The following CCN1 variants were observed in gnomAD, a reference collection of about 807,000 sequenced individuals.
The protein encoded by CCN1 is cellular communication network factor 1.
In CCN1, 12 loss-of-function variants were observed where a neutral mutation model predicts 38.1. The ratio of observed to expected loss-of-function variants is 0.31; its 90% CI spans 0.20 to 0.51. The LOEUF (loss-of-function observed/expected upper bound fraction) is 0.51. CCN1 is among the 20% of genes least tolerant of loss of function. The pLI, the probability that CCN1 is intolerant of heterozygous loss-of-function variation, is 0.97. For synonymous variants in CCN1, 202 were observed against 196.1 expected (o/e 1.03, Z -0.25); for missense variants, 466 against 490.9 (o/e 0.95, Z 0.48).
intron 2 of CCN1, 171 bp from the exon 3 acceptor site, chr1:85,581,757 G>A (rs989848600): frequency 1.0e-5 from 11 of 1,094,108 alleles, no homozygotes; most frequent in African/African-American, 4.7e-5. Flanking sequence ...AAGCGCATAC[G>A]GAAAAGTGAT....
chr1:85,583,070 T>C lies in CCN1; in HGVS notation c.*28T>C. ...GCTACCTGGGTTTCCAGGGCACACCTAGACAAACAAGGGAGAAGAGTGTCA... is the reference window on the plus strand; with the variant it reads ...GCTACCTGGGTTTCCAGGGCACACCCAGACAAACAAGGGAGAAGAGTGTCA... On this transcript the variant is annotated 3_prime_UTR_variant, in exon 5 of 5. Coordinates refer to ENST00000451137, the MANE Select transcript of CCN1 (RefSeq NM_001554.5). 1 of 1,590,598 alleles carries C rather than the reference T, an allele frequency of 6.3e-7. No individual in the cohort carries two copies. The highest frequency in any genetic ancestry group is 1.1e-5 in the South Asian group (1 of 88,604).
intron 3 of CCN1, 32 bp from the exon 4 acceptor site, chr1:85,582,384 T>C: frequency 6.2e-7 from 1 of 1,613,726 alleles, no homozygotes. Flanking sequence ...TCGGTATGCC[T>C]CTGAGAAGTC....
In CCN1 at chr1:85,583,127, T is replaced by C; in HGVS notation, c.*85T>C. 7.1e-7 allele frequency: 1 copy of C among 1,402,828 alleles called. No individual in the cohort carries two copies. The highest frequency in any genetic ancestry group is 9.8e-7 in the Non-Finnish European group (1 of 1,020,672). 86.9% of individuals were successfully genotyped at this position (1,402,828 alleles called of 1,614,324 possible). A position where few individuals can be genotyped will look rare whatever the true frequency, so the allele number is the denominator to read the frequency against. On this transcript the variant is annotated 3_prime_UTR_variant, in exon 5 of 5. Coordinates refer to ENST00000451137, the MANE Select transcript of CCN1 (RefSeq NM_001554.5). ...GAATCATGGAGAAAATGGGCGGGGG[T>C]GGTGTGGGTGATGGGACTCATTGTA... is the stretch of plus-strand genomic sequence containing the variant.
intron 1 of CCN1, 138 bp downstream of exon 1, chr1:85,581,185 C>A: frequency 8.2e-7 from 1 of 1,216,534 alleles, no homozygotes; most frequent in Non-Finnish European, 1.1e-6. Context: ...GCACTCTCCC[C>A]CTCCCCCCGA....
At chr1:85,581,895 C>T in intron 2 of CCN1, 33 bp from the exon 3 acceptor site, 2 of 1,589,288 alleles carry the variant, frequency 1.3e-6, no homozygotes, top group Non-Finnish European at 8.6e-7. Flanking sequence ...AACTTTATCC[C>T]CTTCTACCTT....
In CCN1 at chr1:85,582,797, G is replaced by T. The variant is rs1463207663; in HGVS notation, c.901G>T (p.Ala301Ser). ...KSPEPVRFTY[A>S]GCLSVKKYRP... Reference sequence around the variant, plus strand: ...CCCCGAACCAGTCAGGTTTACTTACGCTGGATGTTTGAGTGTGAAGAAATA... The same window carrying T: ...CCCCGAACCAGTCAGGTTTACTTACTCTGGATGTTTGAGTGTGAAGAAATA... The change falls in exon 5 of 5, where the codon GCT becomes TCT. Residue 301 changes from alanine (A) to serine (S), a missense_variant. Coordinates refer to ENST00000451137, the MANE Select transcript of CCN1 (RefSeq NM_001554.5). The T allele has an allele frequency of 6.2e-7, 1 of 1,614,080 alleles. No homozygotes were observed. Among genetic ancestry groups the T allele is most frequent in the Non-Finnish European group, 8.5e-7 (1 of 1,180,050 alleles).
At chr1:85,582,392 G>A (rs1308437896) in intron 3 of CCN1, 24 bp from the exon 4 acceptor site, 1 of 1,613,894 alleles carries the variant, frequency 6.2e-7, no homozygotes, top group Non-Finnish European at 8.5e-7. Context: ...CCTCTGAGAA[G>A]TCTTCCCTCT....
rs143334774 is a variant in CCN1, at chr1:85,582,031, C to T, written c.381C>T (p.Ala127=). Residue 127 remains alanine, a synonymous_variant, in exon 3 of 5, where the codon GCC becomes GCT. Coordinates refer to ENST00000451137, the MANE Select transcript of CCN1 (RefSeq NM_001554.5). ...CKHQCTCIDG[A]VGCIPLCPQE... ...ATCAGTGCACATGTATTGATGGCGC[C>T]GTGGGCTGCATTCCTCTGTGTCCCC... 3.1e-6 allele frequency: 5 copies of T among 1,614,188 alleles called. No individual in the cohort carries two copies. In the African/African-American group the frequency reaches 5.3e-5, roughly 17 times the overall value.
Position 85,583,195 on chromosome 1 carries a change from C to T in CCN1, c.*153C>T. The T allele has an allele frequency of 2.4e-6, 2 of 820,028 alleles. No individual in the cohort carries two copies. Among genetic ancestry groups the T allele is most frequent in the Non-Finnish European group, 3.7e-6 (2 of 533,440 alleles). The allele number at this position is 820,028 out of a possible 1,614,324, so 50.8% of individuals were successfully genotyped here. On this transcript the variant is annotated 3_prime_UTR_variant, in exon 5 of 5. Coordinates refer to ENST00000451137, the MANE Select transcript of CCN1 (RefSeq NM_001554.5). ...ATTCTTGAGGAGCATTAAGGTATTT[C>T]GAAACTGCCAAGGGTGCTGGTGCGG...
rs991864132 is a variant in CCN1 at position 85,583,242 on chromosome 1, A to G, written c.*200A>G. ...GCGGATGGACACTAATGCAGCCACG[A>G]TTGGAGAATACTTTGCTTCATAGTA... On this transcript the variant is annotated 3_prime_UTR_variant, in exon 5 of 5. Coordinates refer to ENST00000451137, the MANE Select transcript of CCN1 (RefSeq NM_001554.5). The G allele has an allele frequency of 5.0e-6, 3 of 600,534 alleles. No individual in the cohort carries two copies. The highest frequency in any genetic ancestry group is 3.7e-5 in the African/African-American group (2 of 53,986). The allele number at this position is 600,534 out of a possible 1,614,324, so 37.2% of individuals were successfully genotyped here. A position where few individuals can be genotyped will look rare whatever the true frequency, so the allele number is the denominator to read the frequency against.
At position 85,581,351 on chromosome 1, in the gene CCN1, TCTC is replaced by T; in HGVS notation, c.64-12_64-10del. The T allele has an allele frequency of 6.4e-7, 1 of 1,563,508 alleles. No homozygotes were observed. Among genetic ancestry groups the T allele is most frequent in the South Asian group, 1.2e-5 (1 of 86,038 alleles). ...ACCGCGCCGAGTCTCACGCGTATCT[TCTC>T]CCCCTTCCAGGCGCTCTCCACCTGC... On this transcript the variant is annotated splice_polypyrimidine_tract_variant and intron_variant, in intron 1 of 4. Coordinates refer to ENST00000451137, the MANE Select transcript of CCN1 (RefSeq NM_001554.5).
At position 85,582,766 on chromosome 1, in the gene CCN1, G is replaced by T. The variant is rs1197260363; in HGVS notation, c.870G>T (p.Lys290Asn). Reference sequence around the variant, plus strand: ...AGGGCAAGAAATGCAGCAAGACCAAGAAATCCCCCGAACCAGTCAGGTTTA... The same window carrying T: ...AGGGCAAGAAATGCAGCAAGACCAATAAATCCCCCGAACCAGTCAGGTTTA... ...LKKGKKCSKT[K>N]KSPEPVRFTY... Residue 290 changes from lysine (K) to asparagine (N), a missense_variant, in exon 5 of 5, where the codon AAG becomes AAT. Transcript: ENST00000451137. 2 of 1,613,928 alleles carry T rather than the reference G, an allele frequency of 1.2e-6. No homozygotes were observed. The highest frequency in any genetic ancestry group is 2.2e-5 in the East Asian group (1 of 44,880).
chr1:85,583,199 A>G lies in CCN1; in HGVS notation c.*157A>G. 1.2e-6 allele frequency: 1 copy of G among 802,728 alleles called. No individual in the cohort carries two copies. Among genetic ancestry groups the G allele is most frequent in the Non-Finnish European group, 1.9e-6 (1 of 518,414 alleles). The allele number at this position is 802,728 out of a possible 1,614,324, so 49.7% of individuals were successfully genotyped here. On this transcript the variant is annotated 3_prime_UTR_variant, in exon 5 of 5. Coordinates refer to ENST00000451137, the MANE Select transcript of CCN1 (RefSeq NM_001554.5). ...TTGAGGAGCATTAAGGTATTTCGAAACTGCCAAGGGTGCTGGTGCGGATGG... is the reference window on the plus strand; with the variant it reads ...TTGAGGAGCATTAAGGTATTTCGAAGCTGCCAAGGGTGCTGGTGCGGATGG...
chr1:85,582,537 C>A lies in CCN1; in HGVS notation c.756C>A (p.Thr252=). 1 of 1,614,154 alleles carries A rather than the reference C, an allele frequency of 6.2e-7. No individual in the cohort carries two copies. Among genetic ancestry groups the A allele is most frequent in the Non-Finnish European group, 8.5e-7 (1 of 1,180,036 alleles). Reference sequence around the variant, plus strand: ...GAACTGGTATCTCCACACGAGTTACCAATGACAACCCTGAGTGCCGCCTTG... The same window carrying A: ...GAACTGGTATCTCCACACGAGTTACAAATGACAACCCTGAGTGCCGCCTTG... ...TCGTGISTRV[T]NDNPECRLVK... is the part of the protein sequence containing the mutation. The change falls in exon 4 of 5, where the codon ACC becomes ACA. Residue 252 remains threonine, a synonymous_variant. Transcript: ENST00000451137.
At position 85,582,272 on chromosome 1, in the gene CCN1, A is replaced by G. The variant is rs538471987; in HGVS notation, c.622A>G (p.Lys208Glu). 32 of 1,614,194 alleles carry G rather than the reference A, an allele frequency of 2.0e-5. No homozygotes were observed. The South Asian group carries it at 3.3e-4, about 17-fold the overall frequency. Residue 208 changes from lysine to glutamate, a missense_variant, in exon 3 of 5, where the codon AAG (lysine) becomes GAG (glutamate). By Grantham distance (56) the Lys-to-Glu change is moderately conservative. Coordinates refer to ENST00000451137, the MANE Select transcript of CCN1 (RefSeq NM_001554.5). The part of the protein sequence containing the change: ...LIAVGKGSSL[K>E]RLPVFGMEPR... Reference sequence around the variant, plus strand: ...TGCAGTTGGAAAAGGCAGCTCACTGAAGCGGCTCCCTGGTAAGTGGAGACT... The same window carrying G: ...TGCAGTTGGAAAAGGCAGCTCACTGGAGCGGCTCCCTGGTAAGTGGAGACT...
intron 1 of CCN1, 103 bp from the exon 2 acceptor site, chr1:85,581,262 T>TCCCCGTCGATAGGGTCGGAGAC: frequency 7.7e-7 from 1 of 1,299,438 alleles, no homozygotes; most frequent in Non-Finnish European, 1.0e-6. Context: ...GATCAGAGGC[T>TCCCCGTCGATAGGGTCGGAGAC]CCCCGTCGAT....
In CCN1 at chr1:85,582,612, C is replaced by T; in HGVS notation, c.831C>T (p.Tyr277=). 6.2e-7 allele frequency: 1 copy of T among 1,614,134 alleles called. No individual in the cohort carries two copies. Among genetic ancestry groups the T allele is most frequent in the Non-Finnish European group, 8.5e-7 (1 of 1,180,032 alleles). Reference sequence around the variant, plus strand: ...TGCGGCCTTGTGGACAGCCAGTGTACAGCAGCCTGAAAGTAAGTTCCTTCA... The same window carrying T: ...TGCGGCCTTGTGGACAGCCAGTGTATAGCAGCCTGAAAGTAAGTTCCTTCA... ...CEVRPCGQPV[Y]SSLKKGKKCS... is the part of the protein sequence containing the mutation. The change falls in exon 4 of 5, where the codon TAC becomes TAT. Residue 277 remains tyrosine (Y), a synonymous_variant. Transcript: ENST00000451137.
Position 85,580,782 on chromosome 1 carries a change from C to G in CCN1, c.-203C>G. 1 of 404,380 alleles carries G rather than the reference C, an allele frequency of 2.5e-6. No individual in the cohort carries two copies. The highest frequency in any genetic ancestry group is 9.4e-5 in the South Asian group (1 of 10,682). The allele number at this position is 404,380 out of a possible 1,614,324, so 25.0% of individuals were successfully genotyped here. On this transcript the variant is annotated 5_prime_UTR_variant, in exon 1 of 5. Transcript: ENST00000451137. ...GGGCAGACCGCGAGCGAGAGCGCCC[C>G]CGAGCAGCGCCCGCGCCCTCCGCGC... is the stretch of plus-strand genomic sequence containing the variant.
At position 85,581,494 on chromosome 1, in the gene CCN1, A is replaced by G. The variant is rs1336910342; in HGVS notation, c.193A>G (p.Ser65Gly). 1 of 1,613,714 alleles carries G rather than the reference A, an allele frequency of 6.2e-7. No homozygotes were observed. Among genetic ancestry groups the G allele is most frequent in the Non-Finnish European group, 8.5e-7 (1 of 1,179,986 alleles). Residue 65 changes from serine to glycine, a missense_variant, in exon 2 of 5, where the codon AGC (serine) becomes GGC (glycine). Coordinates refer to ENST00000451137, the MANE Select transcript of CCN1 (RefSeq NM_001554.5). ...VCAKQLNEDC[S>G]KTQPCDHTKG... ...CGCCAAGCAGCTCAACGAGGACTGC[A>G]GCAAAACGCAGCCCTGCGACCACAC...
Sources: allele counts gnomAD v4.1 joint callset, GRCh38; gene constraint gnomAD v4.1.1; transcripts MANE v1.5; gene names NCBI Gene and HGNC (gene_info 2026-07-23, HGNC 2026-07-21).